Variants in TFPI observed in about 807,000 individuals in gnomAD.
TFPI encodes the protein anti-convertin.
TFPI carries 15 observed loss-of-function variants against 34.6 expected under a neutral mutation model. The ratio of observed to expected loss-of-function variants is 0.43; its 90% CI spans 0.29 to 0.67. The LOEUF (loss-of-function observed/expected upper bound fraction) is 0.67, where lower values mean the gene tolerates loss of function less well. Among genes scored for constraint, TFPI ranks in the 30% least tolerant of loss-of-function variants. The pLI is 0.15. For synonymous variants in TFPI, 105 were observed against 120.1 expected (o/e 0.87, Z 0.82); for missense variants, 301 against 364.0 (o/e 0.83, Z 1.41).
intron 1 of TFPI, among the ~76,000 whole-genome samples, chr2:187,505,030 A>G (rs1315168421): frequency 6.6e-6 from 1 of 151,950 alleles, no homozygotes; most frequent in Non-Finnish European, 1.5e-5. Flanking sequence ...CATACCATAA[A>G]CCATTTGAAT....
At chr2:187,479,546 CATATATATATAT>C (rs35837997) in intron 6 of TFPI, among the ~76,000 whole-genome samples, 9,892 of 63,366 alleles carry the variant, frequency 0.16, 728 homozygotes, top group East Asian at 0.43. Context: ...ATATCACGTT[CATATATATATAT>C]ATATATATAT....
chr2:187,503,302 G>T (rs1273071632), intron 2 of TFPI, among the ~76,000 whole-genome samples: 3 of 151,964 alleles, frequency 2.0e-5, no homozygotes, highest in African/African-American at 7.3e-5. Flanking sequence ...CTAGCCAAAG[G>T]GTAGCATCAA....
chr2:187,549,153 T>G (rs986795143), intron 1 of TFPI, among the ~76,000 whole-genome samples: 1 of 152,034 alleles, frequency 6.6e-6, no homozygotes, highest in Non-Finnish European at 1.5e-5. Flanking sequence ...AGCTACAACA[T>G]CAAATTCCAG....
intron 6 of TFPI, among the ~76,000 whole-genome samples, chr2:187,472,157 G>A (rs1387236728): frequency 6.6e-6 from 1 of 151,938 alleles, no homozygotes; most frequent in Non-Finnish European, 1.5e-5. Flanking sequence ...ATATTCAAAT[G>A]TATTAATATA....
intron 1 of TFPI, among the ~76,000 whole-genome samples, chr2:187,526,078 A>G (rs1687662107): frequency 6.6e-6 from 1 of 152,146 alleles, no homozygotes; most frequent in Non-Finnish European, 1.5e-5. Context: ...GTTAGCTATT[A>G]TAATTTTTAT....
chr2:187,487,366 T>A (rs1169447945), intron 4 of TFPI, among the ~76,000 whole-genome samples: 1 of 151,484 alleles, frequency 6.6e-6, no homozygotes, highest in Admixed American at 6.6e-5. Context: ...GTACAAACTT[T>A]GCTATTATCT....
intron 1 of TFPI, among the ~76,000 whole-genome samples, chr2:187,510,315 C>G (rs528453206): frequency 4.5e-4 from 68 of 152,266 alleles, no homozygotes; most frequent in African/African-American, 1.6e-3. Context: ...CCACTGTAAC[C>G]CACATCCTTG....
intron 6 of TFPI, among the ~76,000 whole-genome samples, chr2:187,478,317 G>A (rs1015760317): frequency 1.7e-4 from 26 of 152,108 alleles, no homozygotes; most frequent in Admixed American, 1.3e-4. Context: ...CCGAGATCGC[G>A]CCATTGCACT....
At chr2:187,527,959 T>G (rs1687763433) in intron 1 of TFPI, among the ~76,000 whole-genome samples, 1 of 151,804 alleles carries the variant, frequency 6.6e-6, no homozygotes, top group Non-Finnish European at 1.5e-5. Context: ...TCCCAGAACA[T>G]CCTGAAAAAT....
intron 1 of TFPI, among the ~76,000 whole-genome samples, chr2:187,540,890 C>CAAAAAAAAAAAAAA (rs56921212): frequency 1.2e-5 from 1 of 84,780 alleles, no homozygotes; most frequent in Admixed American, 1.3e-4. Flanking sequence ...GACTCCATCT[C>CAAAAAAAAAAAAAA]AAAAAAAAAA....
chr2:187,468,824 A>G (rs2105946740), intron 6 of TFPI, among the ~76,000 whole-genome samples: 1 of 152,164 alleles, frequency 6.6e-6, no homozygotes, highest in East Asian at 1.9e-4. Context: ...ATGTTAATAA[A>G]CCAGTACTAC....
At chr2:187,542,719 T>C (rs1688648381) in intron 1 of TFPI, among the ~76,000 whole-genome samples, 1 of 151,756 alleles carries the variant, frequency 6.6e-6, no homozygotes, top group African/African-American at 2.4e-5. Flanking sequence ...ATACAAGAAT[T>C]AGCTGGGCGT....
rs145989478 is a variant in TFPI, at chr2:187,523,807, A to G, written c.-2-20037T>C. 4.2e-4 allele frequency among the ~76,000 whole-genome samples: 64 copies of G among 152,200 alleles called. 3 individuals carry two copies. In the East Asian group the frequency reaches 0.011, roughly 27 times the overall value. On this transcript the variant is annotated intron_variant, in intron 1 of 7. Coordinates refer to ENST00000233156, the MANE Select transcript of TFPI (RefSeq NM_006287.6). Reference sequence around the variant, plus strand: ...GTATCTATAGTTTTTAAGTAATTCAATCATTCACAATTTTGTACAAATATT... The same window carrying G: ...GTATCTATAGTTTTTAAGTAATTCAGTCATTCACAATTTTGTACAAATATT...
intron 2 of TFPI, among the ~76,000 whole-genome samples, chr2:187,497,906 T>C (rs1246619968): frequency 1.3e-5 from 2 of 151,886 alleles, no homozygotes; most frequent in Admixed American, 1.3e-4. Flanking sequence ...TTGTGGGTGG[T>C]GCAACCAAAA....
At chr2:187,525,089 A>G (rs541618210) in intron 1 of TFPI, among the ~76,000 whole-genome samples, 1 of 152,260 alleles carries the variant, frequency 6.6e-6, no homozygotes, top group Non-Finnish European at 1.5e-5. Context: ...AGGAAAGGAA[A>G]GAAAAAAGGA....
intron 1 of TFPI, among the ~76,000 whole-genome samples, chr2:187,536,045 C>T (rs1210807985): frequency 1.3e-5 from 2 of 151,936 alleles, no homozygotes; most frequent in East Asian, 1.9e-4. Context: ...AGAAGTCAAA[C>T]GCCTGAATAG....
rs8176539 is a variant in TFPI, at chr2:187,476,557, C to T, written c.628+7567G>A. Among the ~76,000 whole-genome samples the T allele has an allele frequency of 6.5e-3, 995 of 152,204 alleles. 18 individuals are homozygous for T. Among genetic ancestry groups the T allele is most frequent in the African/African-American group, 0.023 (952 of 41,536 alleles). ...GTCTCTGCATGTCACCCAGGCTGGT[C>T]TTGAACTCCTGGGCTCAAGCTATCT... On this transcript the variant is annotated intron_variant, in intron 6 of 7. Transcript: ENST00000233156.
chr2:187,473,330 C>A (rs1279502426), intron 6 of TFPI, among the ~76,000 whole-genome samples: 1 of 151,904 alleles, frequency 6.6e-6, no homozygotes. Flanking sequence ...CAAAAAGATA[C>A]TTTTATGCTG....
chr2:187,535,052 T>C (rs1688173956), intron 1 of TFPI, among the ~76,000 whole-genome samples: 1 of 152,060 alleles, frequency 6.6e-6, no homozygotes. Flanking sequence ...CCTAAATACA[T>C]ATGCACCAAA....
Sources: allele counts gnomAD v4.1 joint callset (sites outside exome capture counted in the v4.1 genomes callset), GRCh38; gene constraint gnomAD v4.1.1; transcripts MANE v1.5; gene names NCBI Gene and HGNC (gene_info 2026-07-23, HGNC 2026-07-21).